DISC1: variants seen among roughly 807,000 people sequenced by gnomAD.
The protein encoded by DISC1 is DISC1 scaffold protein.
In DISC1, 57 loss-of-function variants were observed where a neutral mutation model predicts 84.5. The observed-to-expected ratio is 0.67, with a 90% confidence interval of 0.55 to 0.84. The LOEUF is 0.84. Ranked by LOEUF, DISC1 falls within the 40% of genes least tolerant of loss-of-function variation. DISC1 has a pLI of 0.00. For synonymous variants in DISC1, 411 were observed against 415.2 expected (o/e 0.99, Z 0.12); for missense variants, 1,000 against 1,057.8 (o/e 0.95, Z 0.76).
intron 3 of DISC1, among the ~76,000 whole-genome samples, chr1:231,716,422 C>T (rs1347924908): frequency 1.3e-5 from 2 of 151,042 alleles, no homozygotes; most frequent in Non-Finnish European, 2.9e-5. Flanking sequence ...TTCACATTGT[C>T]GTATGGCAAA....
chr1:231,637,172 T>C (rs1353593715), intron 1 of DISC1, among the ~76,000 whole-genome samples: 1 of 152,224 alleles, frequency 6.6e-6, no homozygotes, highest in Non-Finnish European at 1.5e-5. Context: ...CCTTGGTGTA[T>C]ATGTGCCACA....
chr1:231,815,806 T>TG (rs929456057), intron 8 of DISC1, among the ~76,000 whole-genome samples: 1 of 152,154 alleles, frequency 6.6e-6, no homozygotes, highest in Non-Finnish European at 1.5e-5. Flanking sequence ...AGTTTGTTTC[T>TG]TTTTATTGCT....
At chr1:231,843,518 T>G (rs2125870884) in intron 9 of DISC1, among the ~76,000 whole-genome samples, 1 of 152,264 alleles carries the variant, frequency 6.6e-6, no homozygotes, top group South Asian at 2.1e-4. Flanking sequence ...CACTCCACAC[T>G]GGGCACGAGG....
At chr1:231,935,527 C>T (rs1221387188) in intron 9 of DISC1, among the ~76,000 whole-genome samples, 1 of 152,150 alleles carries the variant, frequency 6.6e-6, no homozygotes, top group African/African-American at 2.4e-5. Context: ...AGTGTAAACC[C>T]TTTGATGAGG....
intron 9 of DISC1, among the ~76,000 whole-genome samples, chr1:231,853,797 C>G (rs189860942): frequency 3.0e-4 from 46 of 152,344 alleles, no homozygotes; most frequent in South Asian, 2.3e-3. Flanking sequence ...GGCCAAGATA[C>G]AGCAGCTGCC....
chr1:232,021,790 T>A (rs1024571601), intron 11 of DISC1, among the ~76,000 whole-genome samples: 2 of 152,134 alleles, frequency 1.3e-5, no homozygotes, highest in South Asian at 4.1e-4. Flanking sequence ...GATCAGAAAT[T>A]GGGGTGGGGC....
At chr1:231,710,006 G>A (rs2067611653) in intron 3 of DISC1, among the ~76,000 whole-genome samples, 2 of 152,272 alleles carry the variant, frequency 1.3e-5, no homozygotes, top group East Asian at 3.9e-4. Context: ...TTGGCCCTAA[G>A]ACCTCAGCTG....
chr1:231,940,471 A>G lies in DISC1; in HGVS notation c.1982-18357A>G, dbSNP rs529502834. Reference sequence around the variant, plus strand: ...TTTCACTGTTCTGCCTTAGGACCCAATTTTTGAAAATTAGATTTTAAATGT... The same window carrying G: ...TTTCACTGTTCTGCCTTAGGACCCAGTTTTTGAAAATTAGATTTTAAATGT... On this transcript the variant is annotated intron_variant, in intron 9 of 12. Coordinates refer to ENST00000439617, the MANE Select transcript of DISC1 (RefSeq NM_018662.3). Among the ~76,000 whole-genome samples the G allele has an allele frequency of 1.4e-3, 211 of 152,300 alleles. 1 individual carries two copies. The highest frequency in any genetic ancestry group is 1.5e-3 in the East Asian group (8 of 5,186).
At chr1:231,995,012 A>G (rs1273722064) in intron 10 of DISC1, among the ~76,000 whole-genome samples, 2 of 152,242 alleles carry the variant, frequency 1.3e-5, no homozygotes, top group East Asian at 3.8e-4. Flanking sequence ...TTCTTATATT[A>G]CATTTCTTCC....
chr1:231,752,377 T>G (rs1027744157), intron 4 of DISC1, among the ~76,000 whole-genome samples: 9 of 151,286 alleles, frequency 5.9e-5, no homozygotes, highest in African/African-American at 2.2e-4. Flanking sequence ...ATTGCCAGAG[T>G]AGGAACAAGA....
chr1:231,816,532 T>G (rs1390868911), intron 8 of DISC1, among the ~76,000 whole-genome samples: 1 of 152,230 alleles, frequency 6.6e-6, no homozygotes, highest in Non-Finnish European at 1.5e-5. Flanking sequence ...TGTAGAAGCT[T>G]TATAGTTTTA....
At chr1:231,940,498 G>A (rs1168544107) in intron 9 of DISC1, among the ~76,000 whole-genome samples, 2 of 152,114 alleles carry the variant, frequency 1.3e-5, no homozygotes, top group Admixed American at 6.5e-5. Flanking sequence ...TTTAAATGTC[G>A]TATTCTCCTC....
intron 1 of DISC1, among the ~76,000 whole-genome samples, chr1:231,668,401 A>G (rs1041988453): frequency 3.3e-5 from 5 of 152,150 alleles, no homozygotes; most frequent in African/African-American, 1.2e-4. Flanking sequence ...TTGTGGGTAT[A>G]AACTAGAATA....
intron 9 of DISC1, among the ~76,000 whole-genome samples, chr1:231,953,999 A>G (rs1357424962): frequency 6.6e-6 from 1 of 152,180 alleles, no homozygotes; most frequent in Non-Finnish European, 1.5e-5. Flanking sequence ...GATACAATTC[A>G]TTGAAACCTC....
chr1:231,631,373 G>A (rs1309008258), intron 1 of DISC1, among the ~76,000 whole-genome samples: 3 of 152,060 alleles, frequency 2.0e-5, no homozygotes, highest in African/African-American at 7.2e-5. Context: ...ATGTTATTTT[G>A]TGTACTTCTA....
intron 9 of DISC1, among the ~76,000 whole-genome samples, chr1:231,957,379 T>C (rs370847656): frequency 2.6e-4 from 39 of 152,272 alleles, no homozygotes; most frequent in South Asian, 8.3e-4. Context: ...TCTTTTTTTT[T>C]CCCCTTAAAT....
chr1:231,818,408 C>T lies in DISC1; in HGVS notation c.1872C>T (p.Leu624=), dbSNP rs2081246272. Residue 624 remains leucine, a synonymous_variant, in exon 9 of 13, where the codon CTC becomes CTT. Coordinates refer to ENST00000439617, the MANE Select transcript of DISC1 (RefSeq NM_018662.3). ...CAGAGAGAGAAGGGCTGGAGGGACT[C>T]CTCAGCAAGCTGTTGGTGTTGAGTT... is the stretch of plus-strand genomic sequence containing the variant. ...LTSEREGLEG[L]LSKLLVLSSR... The T allele has an allele frequency of 6.2e-7, 1 of 1,614,026 alleles. No homozygotes were observed. Among genetic ancestry groups the T allele is most frequent in the Admixed American group, 1.7e-5 (1 of 59,996 alleles).
rs553173900 is a variant in DISC1 at position 231,766,588 on chromosome 1, C to T, written c.1269-552C>T. Reference sequence around the variant, plus strand: ...AAATGAGCAGAGGAAGGGTGGATGCCGTAAAGGCAAGGGAACTGGTGAATT... The same window carrying T: ...AAATGAGCAGAGGAAGGGTGGATGCTGTAAAGGCAAGGGAACTGGTGAATT... On this transcript the variant is annotated intron_variant, in intron 4 of 12. Coordinates refer to ENST00000439617, the MANE Select transcript of DISC1 (RefSeq NM_018662.3). Among the ~76,000 whole-genome samples, 18 of 152,040 alleles carry T rather than the reference C, an allele frequency of 1.2e-4. No individual in the cohort carries two copies. In the East Asian group the frequency reaches 2.3e-3, roughly 20 times the overall value.
At chr1:232,032,581 T>C (rs760502145) in intron 12 of DISC1, among the ~76,000 whole-genome samples, 9 of 152,312 alleles carry the variant, frequency 5.9e-5, no homozygotes, top group Non-Finnish European at 1.0e-4. Flanking sequence ...GACGTTGTTA[T>C]AATGAATCTG....
Sources: gnomAD v4.1 joint callset for allele counts (sites outside exome capture counted in the v4.1 genomes callset) on GRCh38, gnomAD v4.1.1 for gene constraint, MANE v1.5 for transcripts, NCBI Gene and HGNC (gene_info 2026-07-23, HGNC 2026-07-21) for gene names.